Variants in TCF4 observed in about 807,000 individuals in gnomAD.
TCF4 encodes the protein transcription factor 4, also known as SL3-3 enhancer factor 2.
In TCF4, 3 loss-of-function variants were observed where a neutral mutation model predicts 82.1. The observed-to-expected ratio is 0.04, with a 90% CI of 0.02 to 0.09. The LOEUF is 0.09. TCF4 is among the 10% of genes least tolerant of loss of function. The pLI, the probability that TCF4 is intolerant of heterozygous loss-of-function variation, is 1.00. For missense variants in TCF4, 518 were observed against 852.7 expected, an observed-to-expected ratio of 0.61 and a Z score of 4.89; for synonymous variants, 276 against 309.6, an observed-to-expected ratio of 0.89 and a Z score of 1.14.
chr18:55,265,505 G>A (rs1257682888), intron 11 of TCF4: 1 of 152,152 alleles, frequency 6.6e-6, no homozygotes, highest in Admixed American at 6.6e-5. Flanking sequence ...TCGTGCACAG[G>A]AAATGGAGGA....
chr18:55,589,816 A>C (rs776652334), upstream of TCF4: 73 of 1,006,520 alleles, frequency 7.3e-5, no homozygotes, highest in Non-Finnish European at 7.4e-5. Flanking sequence ...AAAGAGAAGG[A>C]GCTGCGGCCG....
chr18:55,298,451 T>C (rs557916222), intron 8 of TCF4, among the ~76,000 whole-genome samples: 1 of 152,300 alleles, frequency 6.6e-6, no homozygotes, highest in East Asian at 1.9e-4. Flanking sequence ...TCACAACCCA[T>C]ATACTACGGT....
chr18:55,422,665 GATTTTCCATAATGCAAGC>G (rs2146981409), intron 5 of TCF4, among the ~76,000 whole-genome samples: 1 of 152,056 alleles, frequency 6.6e-6, no homozygotes, highest in African/African-American at 2.4e-5. Flanking sequence ...CAGAGCCGCC[GATTTTCCATAATGCAAGC>G]ATTTGGGAAT....
intron 6 of TCF4, among the ~76,000 whole-genome samples, chr18:55,373,439 T>C (rs2089887753): frequency 6.6e-6 from 1 of 152,084 alleles, no homozygotes; most frequent in South Asian, 2.1e-4. Context: ...ATAATCAAAG[T>C]AGAAGACTAG....
intron 3 of TCF4, among the ~76,000 whole-genome samples, chr18:55,564,833 T>A (rs1433437894): frequency 3.9e-5 from 6 of 152,100 alleles, no homozygotes; most frequent in Non-Finnish European, 7.4e-5. Flanking sequence ...ATGGGCTGAG[T>A]GCATGGCAAG....
chr18:55,623,626 ATTTG>A (rs1170048099), intron 2 of TCF4, among the ~76,000 whole-genome samples: 37 of 152,276 alleles, frequency 2.4e-4, no homozygotes, highest in African/African-American at 6.5e-4. Context: ...AATAATGATA[ATTTG>A]TTTGGTAGTG....
chr18:55,326,685 G>A (rs948623266), intron 8 of TCF4, among the ~76,000 whole-genome samples: 4 of 152,102 alleles, frequency 2.6e-5, no homozygotes, highest in African/African-American at 9.7e-5. Flanking sequence ...CCAAGGAATA[G>A]GAGGTTACCC....
rs577475437 is a variant in TCF4 at position 55,226,643 on chromosome 18, T to C, written c.*1392A>G. On this transcript the variant is annotated 3_prime_UTR_variant, in exon 20 of 20. Coordinates refer to ENST00000354452, the MANE Select transcript of TCF4 (RefSeq NM_001083962.2). The stretch of plus-strand genomic sequence containing the variant: ...CATGATGATTGAATATTGGCATTTT[T>C]CAGACGAAGGAGGAGGCAGTTAAGT... 6.5e-6 allele frequency: 1 copy of C among 152,676 alleles called. No individual in the cohort carries two copies. Among genetic ancestry groups the C allele is most frequent in the South Asian group, 2.1e-4 (1 of 4,822 alleles). The allele number at this position is 152,676 out of a possible 1,614,324, so 9.5% of individuals were successfully genotyped here.
chr18:55,295,261 G>A (rs1474847117), intron 8 of TCF4, among the ~76,000 whole-genome samples: 4 of 152,160 alleles, frequency 2.6e-5, no homozygotes. Context: ...AAATCTCCCA[G>A]GCTGCAGGTG....
chr18:55,236,069 A>ATGTGTG (rs3040521), intron 15 of TCF4, among the ~76,000 whole-genome samples: 65 of 151,076 alleles, frequency 4.3e-4, no homozygotes, highest in Non-Finnish European at 8.1e-4. Context: ...TCATGTGTGC[A>ATGTGTG]TGTGTGTGTG....
At chr18:55,355,420 T>C (rs1020883589) in intron 6 of TCF4, among the ~76,000 whole-genome samples, 5 of 152,166 alleles carry the variant, frequency 3.3e-5, no homozygotes, top group African/African-American at 1.2e-4. Context: ...CCCTGTCGAA[T>C]AGTTGCTGCT....
intron 3 of TCF4, among the ~76,000 whole-genome samples, chr18:55,498,210 G>A (rs960563819): frequency 9.2e-5 from 14 of 152,200 alleles, no homozygotes; most frequent in East Asian, 7.7e-4. Context: ...GGCTGGGTCC[G>A]GGGTTAAGCA....
intron 15 of TCF4, among the ~76,000 whole-genome samples, chr18:55,242,663 G>A (rs2051645103): frequency 1.3e-5 from 2 of 150,798 alleles, no homozygotes; most frequent in African/African-American, 4.9e-5. Flanking sequence ...AGAAAGGAGT[G>A]CAGTGGCATG....
chr18:55,481,197 A>G (rs993230226), intron 3 of TCF4, among the ~76,000 whole-genome samples: 28 of 151,962 alleles, frequency 1.8e-4, no homozygotes, highest in Admixed American at 1.7e-3. Context: ...CTCCGGCATT[A>G]TATGTGTATT....
In TCF4 at chr18:55,311,068, G is replaced by C. The variant is rs551029586; in HGVS notation, c.550-31412C>G. ...CACTATAAAATCTCACGTTTTCATGGTAAAACGTAGAAATACCTGGGCAAT... is the reference window on the plus strand; with the variant it reads ...CACTATAAAATCTCACGTTTTCATGCTAAAACGTAGAAATACCTGGGCAAT... On this transcript the variant is annotated intron_variant, in intron 8 of 19. Transcript: ENST00000354452. 3.9e-5 allele frequency among the ~76,000 whole-genome samples: 6 copies of C among 151,944 alleles called. No individual in the cohort carries two copies. The South Asian group carries it at 1.2e-3, about 32-fold the overall frequency.
intron 8 of TCF4, 96 bp downstream of exon 8, chr18:55,350,263 T>C (rs2082054995): frequency 1.5e-6 from 2 of 1,310,320 alleles, no homozygotes; most frequent in Non-Finnish European, 1.1e-6. Context: ...CGTGCTGCTC[T>C]GGGCGCATGG....
intron 3 of TCF4, among the ~76,000 whole-genome samples, chr18:55,581,085 C>T (rs2097571182): frequency 6.6e-6 from 1 of 151,850 alleles, no homozygotes; most frequent in African/African-American, 2.4e-5. Flanking sequence ...GATCAATAAT[C>T]CAAAATTCAG....
At chr18:55,627,297 T>C (rs1000298075) in intron 2 of TCF4, among the ~76,000 whole-genome samples, 10 of 151,962 alleles carry the variant, frequency 6.6e-5, no homozygotes, top group South Asian at 4.1e-4. Flanking sequence ...TGTGGAGTGA[T>C]AGAGAGAAAA....
chr18:55,522,210 G>A (rs1041366807), intron 3 of TCF4, among the ~76,000 whole-genome samples: 2 of 152,150 alleles, frequency 1.3e-5, no homozygotes, highest in Non-Finnish European at 1.5e-5. Flanking sequence ...GCCTCCTATT[G>A]GTAGAGGCTG....
Sources: gnomAD v4.1 joint callset for allele counts (sites outside exome capture counted in the v4.1 genomes callset) on GRCh38, gnomAD v4.1.1 for gene constraint, MANE v1.5 for transcripts, NCBI Gene and HGNC (gene_info 2026-07-23, HGNC 2026-07-21) for gene names.